The following THSD7B variants were observed in gnomAD, a reference collection of about 807,000 sequenced individuals.
THSD7B encodes thrombospondin type 1 domain containing 7B, also known as thrombospondin type-1 domain-containing protein 7B.
In THSD7B, 138 loss-of-function variants were observed where a neutral mutation model predicts 213.6. The observed-to-expected ratio is 0.65, with a 90% CI of 0.56 to 0.74. The LOEUF is 0.74. Ranked by LOEUF, THSD7B falls within the 30% of genes least tolerant of loss-of-function variation. The probability of loss-of-function intolerance (pLI) is 0.00; values close to 1 mark genes in which losing one functional copy is unlikely to be tolerated. For missense variants in THSD7B, 1,931 were observed against 1,991.5 expected (o/e 0.97, Z 0.58); for synonymous variants, 742 against 687.0 (o/e 1.08, Z -1.25).
chr2:137,448,581 G>A (rs531750790), intron 14 of THSD7B, among the ~76,000 whole-genome samples: 6 of 152,010 alleles, frequency 3.9e-5, no homozygotes, highest in East Asian at 2.0e-4. Flanking sequence ...AGGCCGAGGC[G>A]GGCAGATCAC....
At chr2:137,143,482 G>A (rs556817729) in intron 5 of THSD7B, among the ~76,000 whole-genome samples, 38 of 152,254 alleles carry the variant, frequency 2.5e-4, no homozygotes, top group Non-Finnish European at 5.0e-4. Flanking sequence ...AGCTCAGCTG[G>A]TGTGTCTTAT....
intron 1 of THSD7B, among the ~76,000 whole-genome samples, chr2:136,823,086 C>T (rs1321646731): frequency 6.6e-6 from 1 of 152,156 alleles, no homozygotes; most frequent in African/African-American, 2.4e-5. Flanking sequence ...CACACGCTTT[C>T]TGGTTAGTTG....
At chr2:137,075,345 A>G (rs1687597057) in intron 3 of THSD7B, among the ~76,000 whole-genome samples, 1 of 152,102 alleles carries the variant, frequency 6.6e-6, no homozygotes, top group Non-Finnish European at 1.5e-5. Context: ...TTTGTCTTCC[A>G]TCGCTGGTAC....
chr2:137,114,677 A>G (rs1688413318), intron 4 of THSD7B, among the ~76,000 whole-genome samples: 1 of 152,236 alleles, frequency 6.6e-6, no homozygotes, highest in Non-Finnish European at 1.5e-5. Context: ...TATGTAAAAT[A>G]ATATATTTAC....
chr2:136,766,537 G>A lies in THSD7B; in HGVS notation c.-36+850G>A, dbSNP rs563936198. ...ATGAACCCCGCTCTTTGGTGACCGC[G>A]TATTTTGAAGTTGGAAAACTTTGCA... On this transcript the variant is annotated intron_variant, in intron 1 of 27. Coordinates refer to ENST00000409968, the MANE Select transcript of THSD7B (RefSeq NM_001316349.2). Among the ~76,000 whole-genome samples the A allele has an allele frequency of 2.6e-5, 4 of 152,270 alleles. No homozygotes were observed. In the South Asian group the frequency reaches 8.3e-4, roughly 32 times the overall value.
chr2:137,570,434 G>A (rs958877177), intron 16 of THSD7B, among the ~76,000 whole-genome samples: 2 of 151,938 alleles, frequency 1.3e-5, no homozygotes, highest in Admixed American at 6.6e-5. Flanking sequence ...TTAGCCTCCC[G>A]AGTAGCTGGG....
intron 1 of THSD7B, among the ~76,000 whole-genome samples, chr2:136,854,596 G>A (rs1033380498): frequency 1.3e-5 from 2 of 151,470 alleles, no homozygotes; most frequent in Non-Finnish European, 1.5e-5. Context: ...CCATTGTCCT[G>A]CTTCTATGCA....
chr2:137,631,003 T>A (rs6745349), intron 20 of THSD7B, among the ~76,000 whole-genome samples: 50,714 of 151,940 alleles, frequency 0.33, 9,740 homozygotes, highest in African/African-American at 0.52. Context: ...ACACTTCGTC[T>A]TCAAACCCAC....
At chr2:136,989,779 A>G (rs1380043392) in intron 2 of THSD7B, among the ~76,000 whole-genome samples, 1 of 152,136 alleles carries the variant, frequency 6.6e-6, no homozygotes, top group African/African-American at 2.4e-5. Context: ...GCCAGCTGGG[A>G]GAGGGGTAGA....
chr2:137,360,337 G>T (rs1287756288), intron 12 of THSD7B, among the ~76,000 whole-genome samples: 1 of 152,080 alleles, frequency 6.6e-6, no homozygotes, highest in Non-Finnish European at 1.5e-5. Context: ...TCCAACTGAG[G>T]TACCTGGTTC....
chr2:137,132,937 CTG>C lies in THSD7B; in HGVS notation c.1369+17646_1369+17647del, dbSNP rs201703221. Among the ~76,000 whole-genome samples, 1,003 of 152,272 alleles carry C rather than the reference CTG, an allele frequency of 6.6e-3. 12 individuals carry two copies. Among genetic ancestry groups the C allele is most frequent in the Middle Eastern group, 0.031 (9 of 294 alleles). On this transcript the variant is annotated intron_variant, in intron 5 of 27. Transcript: ENST00000409968. Reference sequence around the variant, plus strand: ...CTTCAAAAATGTAAAGACAGCCACACTGTACTTTTTACAGTTTCTCTCTTTAC... The same window carrying C: ...CTTCAAAAATGTAAAGACAGCCACACTACTTTTTACAGTTTCTCTCTTTAC...
chr2:137,036,079 TTAAG>T (rs1457980309), intron 2 of THSD7B, among the ~76,000 whole-genome samples: 3 of 152,278 alleles, frequency 2.0e-5, no homozygotes, highest in Admixed American at 6.5e-5. Context: ...TTTAAAAAAA[TTAAG>T]TGATTCAGAG....
At chr2:137,109,382 G>T (rs1423322933) in intron 4 of THSD7B, among the ~76,000 whole-genome samples, 6 of 152,118 alleles carry the variant, frequency 3.9e-5, no homozygotes, top group Non-Finnish European at 7.4e-5. Flanking sequence ...ATTTTTCCAT[G>T]AACTTGGAAA....
chr2:136,887,488 A>T (rs1683739702), intron 2 of THSD7B, among the ~76,000 whole-genome samples: 1 of 152,094 alleles, frequency 6.6e-6, no homozygotes, highest in Admixed American at 6.6e-5. Flanking sequence ...TCCCTGAAGA[A>T]TGGCTTGGTG....
intron 12 of THSD7B, among the ~76,000 whole-genome samples, chr2:137,349,953 C>A (rs954306481): frequency 2.0e-5 from 3 of 151,734 alleles, no homozygotes; most frequent in Non-Finnish European, 4.4e-5. Flanking sequence ...TCTCATATTT[C>A]TATTATGGAA....
intron 12 of THSD7B, among the ~76,000 whole-genome samples, chr2:137,320,480 A>C (rs1238317722): frequency 6.6e-6 from 1 of 152,164 alleles, no homozygotes; most frequent in Admixed American, 6.5e-5. Flanking sequence ...AATGACATTA[A>C]ATGTGCAATT....
Position 137,676,752 on chromosome 2 carries a change from T to C in THSD7B, c.*147T>C. ...TTGCAAAAGTAATATTGCCTCAACT[T>C]CATTTGGACATGGAGTCAAGGATTA... is the stretch of plus-strand genomic sequence containing the variant. On this transcript the variant is annotated 3_prime_UTR_variant, in exon 28 of 28. Coordinates refer to ENST00000409968, the MANE Select transcript of THSD7B (RefSeq NM_001316349.2). 2 of 607,162 alleles carry C rather than the reference T, an allele frequency of 3.3e-6. No individual in the cohort carries two copies. Among genetic ancestry groups the C allele is most frequent in the Non-Finnish European group, 2.6e-6 (1 of 388,442 alleles). 37.6% of individuals were successfully genotyped at this position (607,162 alleles called of 1,614,324 possible).
At chr2:137,088,431 G>T (rs1687883580) in intron 3 of THSD7B, among the ~76,000 whole-genome samples, 1 of 151,648 alleles carries the variant, frequency 6.6e-6, no homozygotes, top group Non-Finnish European at 1.5e-5. Flanking sequence ...GCCACACATA[G>T]GAGAAAGAAA....
intron 1 of THSD7B, among the ~76,000 whole-genome samples, chr2:136,787,838 GT>G (rs35141490): frequency 0.83 from 125,804 of 151,904 alleles, 52,363 homozygotes; most frequent in Non-Finnish European, 0.87. Flanking sequence ...CCATTGTGTA[GT>G]TTCCCCTAAT....
Sources: allele counts gnomAD v4.1 joint callset (sites outside exome capture counted in the v4.1 genomes callset), GRCh38; gene constraint gnomAD v4.1.1; transcripts MANE v1.5; gene names NCBI Gene and HGNC (gene_info 2026-07-23, HGNC 2026-07-21).